SEMA3D: variants seen among roughly 807,000 people sequenced by gnomAD.
The protein encoded by SEMA3D is semaphorin-3D.
In SEMA3D, 84 loss-of-function variants were observed where a neutral mutation model predicts 100.1. The ratio of observed to expected loss-of-function variants is 0.84; its 90% CI spans 0.70 to 1.01. SEMA3D has a LOEUF of 1.01. Ranked by LOEUF, SEMA3D falls within the 50% of genes least tolerant of loss-of-function variation. The pLI is 0.00. For missense variants in SEMA3D, 875 were observed against 934.1 expected (o/e 0.94, Z 0.82); for synonymous variants, 312 against 320.7 (o/e 0.97, Z 0.29).
At chr7:85,147,950 A>G (rs1019789484) in intron 2 of SEMA3D, among the ~76,000 whole-genome samples, 1 of 152,096 alleles carries the variant, frequency 6.6e-6, no homozygotes, top group Admixed American at 6.6e-5. Flanking sequence ...CCCACTCCAC[A>G]CTAGCTTTGG....
At chr7:85,013,731 G>T (rs1407052649) in intron 16 of SEMA3D, among the ~76,000 whole-genome samples, 1 of 151,734 alleles carries the variant, frequency 6.6e-6, no homozygotes, top group African/African-American at 2.4e-5. Flanking sequence ...CATTATGTTA[G>T]GTAAGGGAAA....
At chr7:85,205,187 C>G in the SEMA3D span, among the ~76,000 whole-genome samples, 3 of 152,090 alleles carry the variant, frequency 2.0e-5, no homozygotes, top group African/African-American at 4.8e-5. Flanking sequence ...ACTAATTAGT[C>G]CATTAGAAAT....
intron 6 of SEMA3D, among the ~76,000 whole-genome samples, chr7:85,070,824 A>G (rs1049499585): frequency 1.3e-5 from 2 of 152,142 alleles, no homozygotes; most frequent in African/African-American, 4.8e-5. Flanking sequence ...TCTGTCGCCC[A>G]GGCTGGAGTG....
chr7:85,225,088 AT>A, the SEMA3D span, among the ~76,000 whole-genome samples: 67 of 16,822 alleles, frequency 4.0e-3, no homozygotes, highest in African/African-American at 0.02. Context: ...ATATATATAT[AT>A]ATATATATAT....
At chr7:85,010,045 G>A (rs961665454) in intron 17 of SEMA3D, among the ~76,000 whole-genome samples, 1 of 151,842 alleles carries the variant, frequency 6.6e-6, no homozygotes, top group East Asian at 1.9e-4. Context: ...ATCAGGAAAG[G>A]TGTCTCTGAA....
intron 13 of SEMA3D, 44 bp downstream of exon 13, chr7:85,022,347 T>G (rs1584530060): frequency 7.4e-7 from 1 of 1,359,618 alleles, no homozygotes; most frequent in Non-Finnish European, 1.0e-6. Context: ...TGTCTAATAA[T>G]GAAAAATTCC....
intron 11 of SEMA3D, among the ~76,000 whole-genome samples, chr7:85,039,422 T>C (rs568013063): frequency 1.2e-3 from 180 of 152,238 alleles, no homozygotes; most frequent in South Asian, 5.6e-3. Context: ...CACACCTGGC[T>C]AATTTTTTGT....
intron 2 of SEMA3D, among the ~76,000 whole-genome samples, chr7:85,134,271 AT>A (rs1322625636): frequency 6.6e-6 from 1 of 151,990 alleles, no homozygotes; most frequent in African/African-American, 2.4e-5. Context: ...ACTACTAAAT[AT>A]GTTTGAAGAA....
chr7:85,092,404 G>T (rs1788421626), intron 4 of SEMA3D, among the ~76,000 whole-genome samples: 1 of 151,838 alleles, frequency 6.6e-6, no homozygotes, highest in Non-Finnish European at 1.5e-5. Context: ...AAATGAAAAA[G>T]AAATGCTGGC....
At chr7:85,211,540 C>T in the SEMA3D span, among the ~76,000 whole-genome samples, 4 of 151,978 alleles carry the variant, frequency 2.6e-5, no homozygotes, top group African/African-American at 9.7e-5. Flanking sequence ...GCATCTATAG[C>T]AAAATGCAAA....
At chr7:85,127,518 G>A (rs902017542) in intron 2 of SEMA3D, among the ~76,000 whole-genome samples, 3 of 152,098 alleles carry the variant, frequency 2.0e-5, no homozygotes, top group Non-Finnish European at 4.4e-5. Context: ...TTTAAGCCTT[G>A]TGGGTTTCAT....
At chr7:85,189,165 A>G (rs992258495), upstream of SEMA3D, among the ~76,000 whole-genome samples, 1 of 152,146 alleles carries the variant, frequency 6.6e-6, no homozygotes, top group African/African-American at 2.4e-5. Context: ...ATGTTGCCCA[A>G]TGTGATGAAT....
rs1193360076 is a variant in SEMA3D, at chr7:85,117,660, C to G, written c.151+4081G>C. Among the ~76,000 whole-genome samples the G allele has an allele frequency of 2.0e-5, 3 of 152,012 alleles. No individual in the cohort carries two copies. In the South Asian group the frequency reaches 6.2e-4, roughly 31 times the overall value. On this transcript the variant is annotated intron_variant, in intron 3 of 18. Coordinates refer to ENST00000284136, the MANE Select transcript of SEMA3D (RefSeq NM_001384900.1). Reference sequence around the variant, plus strand: ...TGATGGCTCATGCTTGTAGTCCCAGCTACTCAGGAGGCTGAGATGGGAGGA... The same window carrying G: ...TGATGGCTCATGCTTGTAGTCCCAGGTACTCAGGAGGCTGAGATGGGAGGA...
intron 2 of SEMA3D, among the ~76,000 whole-genome samples, chr7:85,143,835 C>T (rs140772286): frequency 0.025 from 3,818 of 151,692 alleles, 63 homozygotes; most frequent in Non-Finnish European, 0.042. Flanking sequence ...TTCAGCCTCC[C>T]GAGTAGCTGG....
chr7:85,234,518 C>T, the SEMA3D span, among the ~76,000 whole-genome samples: 1 of 152,152 alleles, frequency 6.6e-6, no homozygotes, highest in Non-Finnish European at 1.5e-5. Context: ...AGTTGCTCAC[C>T]AGCAAACATC....
the SEMA3D span, among the ~76,000 whole-genome samples, chr7:85,199,825 G>A: frequency 2.6e-5 from 4 of 152,052 alleles, no homozygotes; most frequent in Admixed American, 6.6e-5. Flanking sequence ...TGGTTTGGCT[G>A]TGTCCCCACA....
At chr7:85,119,682 G>A (rs1270331233) in intron 3 of SEMA3D, among the ~76,000 whole-genome samples, 1 of 152,128 alleles carries the variant, frequency 6.6e-6, no homozygotes, top group Non-Finnish European at 1.5e-5. Flanking sequence ...CCTGTTTGAC[G>A]AAATAATCTG....
chr7:85,104,860 T>C (rs1788865328), intron 3 of SEMA3D, among the ~76,000 whole-genome samples: 1 of 151,930 alleles, frequency 6.6e-6, no homozygotes, highest in African/African-American at 2.4e-5. Flanking sequence ...CAGAAATTCA[T>C]GGGGCTAAAA....
intron 8 of SEMA3D, among the ~76,000 whole-genome samples, chr7:85,064,979 A>C (rs895923754): frequency 3.9e-5 from 6 of 152,150 alleles, no homozygotes; most frequent in Non-Finnish European, 1.5e-5. Flanking sequence ...ACCCGAGTTC[A>C]TTGGGCTAAC....
Sources: gnomAD v4.1 joint callset for allele counts (sites outside exome capture counted in the v4.1 genomes callset) on GRCh38, gnomAD v4.1.1 for gene constraint, MANE v1.5 for transcripts, NCBI Gene and HGNC (gene_info 2026-07-23, HGNC 2026-07-21) for gene names.